Variants in FRMD4A observed in about 807,000 individuals in gnomAD.
FRMD4A encodes the protein FERM domain containing 4A, also known as FERM domain-containing protein 4A.
FRMD4A carries 29 observed loss-of-function variants against 129.1 expected under a neutral mutation model. That is an observed-to-expected ratio of 0.22 (90% CI 0.17 to 0.31). The LOEUF (loss-of-function observed/expected upper bound fraction) is 0.31, where lower values mean the gene tolerates loss of function less well. FRMD4A is among the 10% of genes least tolerant of loss of function. The pLI, the probability that FRMD4A is intolerant of heterozygous loss-of-function variation, is 1.00. For missense variants in FRMD4A, 1,272 were observed against 1,375.8 expected (o/e 0.92, Z 1.19); for synonymous variants, 634 against 571.6 (o/e 1.11, Z -1.56).
At chr10:14,318,180 ACT>A (rs1219524663) in intron 2 of FRMD4A, among the ~76,000 whole-genome samples, 2 of 151,986 alleles carry the variant, frequency 1.3e-5, no homozygotes, top group Admixed American at 6.6e-5. Context: ...ATGACCAAAG[ACT>A]CAGCCTCAGG....
intron 2 of FRMD4A, among the ~76,000 whole-genome samples, chr10:14,176,667 G>A (rs191664473): frequency 1.2e-4 from 18 of 151,914 alleles, no homozygotes; most frequent in Admixed American, 8.5e-4. Context: ...TAGAGATGGC[G>A]TTTCACCATG....
chr10:13,775,439 T>A (rs1346313688), intron 6 of FRMD4A, among the ~76,000 whole-genome samples: 3 of 152,176 alleles, frequency 2.0e-5, no homozygotes, highest in Non-Finnish European at 2.9e-5. Flanking sequence ...TTTTTTTGTA[T>A]ATTTCTATAT....
chr10:13,702,020 G>C (rs1217085252), intron 13 of FRMD4A, among the ~76,000 whole-genome samples: 1 of 152,170 alleles, frequency 6.6e-6, no homozygotes, highest in African/African-American at 2.4e-5. Context: ...ATCAGGAGAA[G>C]AAAGGCAGAG....
intron 6 of FRMD4A, among the ~76,000 whole-genome samples, chr10:13,774,827 A>C (rs2092557326): frequency 6.6e-6 from 1 of 152,164 alleles, no homozygotes; most frequent in South Asian, 2.1e-4. Flanking sequence ...AGCTGGAAGG[A>C]AACATAGAAT....
chr10:13,755,648 G>C (rs1051908415), intron 8 of FRMD4A, among the ~76,000 whole-genome samples: 1 of 152,122 alleles, frequency 6.6e-6, no homozygotes. Context: ...CCATTGATTG[G>C]GTGATGCATT....
At chr10:14,282,121 T>C (rs1042852687) in intron 2 of FRMD4A, among the ~76,000 whole-genome samples, 5 of 152,164 alleles carry the variant, frequency 3.3e-5, no homozygotes, top group African/African-American at 4.8e-5. Flanking sequence ...ATGAGACTTA[T>C]TCACTACCAT....
intron 2 of FRMD4A, among the ~76,000 whole-genome samples, chr10:14,176,292 C>T (rs11258918): frequency 0.5 from 75,385 of 151,804 alleles, 20,426 homozygotes; most frequent in Non-Finnish European, 0.6. Flanking sequence ...CCAACCTCTC[C>T]CCATGTTTTT....
At chr10:14,155,357 C>T (rs1840543476) in intron 2 of FRMD4A, among the ~76,000 whole-genome samples, 1 of 152,142 alleles carries the variant, frequency 6.6e-6, no homozygotes. Context: ...TATGGAGGCC[C>T]TCTGAGAGAC....
intron 2 of FRMD4A, among the ~76,000 whole-genome samples, chr10:14,256,005 CA>C (rs34674875): frequency 0.024 from 2,163 of 91,688 alleles, 25 homozygotes; most frequent in South Asian, 0.093. Context: ...GCCTCCATCT[CA>C]AAAAAAAAAA....
intron 2 of FRMD4A, among the ~76,000 whole-genome samples, chr10:14,223,109 TAAC>T (rs911661603): frequency 5.9e-5 from 9 of 151,908 alleles, no homozygotes; most frequent in East Asian, 5.8e-4. Context: ...ACAACAACAA[TAAC>T]AACAACAACA....
intron 2 of FRMD4A, among the ~76,000 whole-genome samples, chr10:14,060,053 T>C (rs1834733067): frequency 6.6e-6 from 1 of 152,230 alleles, no homozygotes; most frequent in African/African-American, 2.4e-5. Flanking sequence ...TCTATACCTT[T>C]AACTACTCTA....
At chr10:14,260,678 A>C (rs1348870867) in intron 2 of FRMD4A, among the ~76,000 whole-genome samples, 1 of 152,220 alleles carries the variant, frequency 6.6e-6, no homozygotes, top group Non-Finnish European at 1.5e-5. Context: ...CCATCAGTAG[A>C]CGAAAATATT....
At chr10:14,330,445 T>C (rs1289309168) in intron 1 of FRMD4A, among the ~76,000 whole-genome samples, 152 bp downstream of exon 1, 1 of 152,230 alleles carries the variant, frequency 6.6e-6, no homozygotes, top group African/African-American at 2.4e-5. Flanking sequence ...AATGTTTAAC[T>C]GCTACCTTCG....
intron 2 of FRMD4A, among the ~76,000 whole-genome samples, chr10:13,946,727 G>T (rs997694339): frequency 6.6e-6 from 1 of 152,164 alleles, no homozygotes; most frequent in African/African-American, 2.4e-5. Flanking sequence ...GCCTATAAAG[G>T]TTGTAAAGAA....
chr10:13,749,670 A>G (rs11258570), intron 8 of FRMD4A, among the ~76,000 whole-genome samples: 52,642 of 151,920 alleles, frequency 0.35, 9,974 homozygotes, highest in African/African-American at 0.51. Flanking sequence ...GAGCACTCCC[A>G]GAAAAAGCAT....
At position 13,833,015 on chromosome 10, in the gene FRMD4A, G is replaced by A. The variant is rs146547784; in HGVS notation, c.112-22107C>T. Among the ~76,000 whole-genome samples, 125 of 152,278 alleles carry A rather than the reference G, an allele frequency of 8.2e-4. 2 individuals are homozygous for A. The highest frequency in any genetic ancestry group is 3.0e-3 in the African/African-American group (123 of 41,574). On this transcript the variant is annotated intron_variant, in intron 3 of 24. Transcript: ENST00000357447. ...GTAATTAGAATGCTGATGCCTTTCC[G>A]TGTACAGTCTGCCTTCACACATATG...
At chr10:14,328,587 ATT>A (rs1488806855) in intron 2 of FRMD4A, among the ~76,000 whole-genome samples, 2 of 149,402 alleles carry the variant, frequency 1.3e-5, no homozygotes, top group Admixed American at 6.7e-5. Flanking sequence ...TGCAGGATTT[ATT>A]TCTGTTAGTG....
At chr10:13,955,757 G>A (rs927097894) in intron 2 of FRMD4A, among the ~76,000 whole-genome samples, 1 of 152,226 alleles carries the variant, frequency 6.6e-6, no homozygotes, top group African/African-American at 2.4e-5. Flanking sequence ...AGGCCCTAAA[G>A]AGAAACTGTG....
intron 2 of FRMD4A, among the ~76,000 whole-genome samples, chr10:14,124,951 G>A (rs1272772895): frequency 2.0e-5 from 3 of 152,156 alleles, no homozygotes; most frequent in African/African-American, 4.8e-5. Flanking sequence ...GACAGCATTT[G>A]GAGAAGGACA....
Sources: allele counts gnomAD v4.1 joint callset (sites outside exome capture counted in the v4.1 genomes callset), GRCh38; gene constraint gnomAD v4.1.1; transcripts MANE v1.5; gene names NCBI Gene and HGNC (gene_info 2026-07-23, HGNC 2026-07-21).